The following CCPG1 variants were observed in gnomAD, a reference collection of about 807,000 sequenced individuals.
The protein encoded by CCPG1 is cell cycle progression 1.
A neutral mutation model predicts 81.3 loss-of-function variants in CCPG1; 46 were observed. The ratio of observed to expected loss-of-function variants is 0.57; its 90% CI spans 0.45 to 0.72. The LOEUF (loss-of-function observed/expected upper bound fraction) is 0.72, where lower values mean the gene tolerates loss of function less well. Ranked by LOEUF, CCPG1 falls within the 30% of genes least tolerant of loss-of-function variation. CCPG1 has a pLI of 0.00. For synonymous variants in CCPG1, 330 were observed against 305.2 expected (o/e 1.08, Z -0.85); for missense variants, 902 against 937.6 (o/e 0.96, Z 0.50).
chr15:55,392,164 T>C (rs1241477130), intron 1 of CCPG1, among the ~76,000 whole-genome samples: 2 of 146,600 alleles, frequency 1.4e-5, no homozygotes, highest in Non-Finnish European at 3.0e-5. Context: ...AAATAAAAAA[T>C]AAAAAAGACA....
At chr15:55,402,231 CTTTAT>C (rs937151653) in intron 1 of CCPG1, among the ~76,000 whole-genome samples, 4 of 152,122 alleles carry the variant, frequency 2.6e-5, no homozygotes, top group Admixed American at 6.6e-5. Flanking sequence ...TTTATTATAG[CTTTAT>C]TTTTAGAGAC....
intron 1 of CCPG1, among the ~76,000 whole-genome samples, chr15:55,395,771 T>C (rs7170993): frequency 0.46 from 69,457 of 151,966 alleles, 17,126 homozygotes; most frequent in East Asian, 0.74. Flanking sequence ...TCCCAACACA[T>C]ATTGAATGAA....
intron 1 of CCPG1, among the ~76,000 whole-genome samples, chr15:55,406,590 T>A (rs12900515): frequency 0.98 from 148,980 of 151,620 alleles, 73,240 homozygotes; most frequent in East Asian, 1. Flanking sequence ...AGTAGCTGGG[T>A]TTACAGGCTA....
At chr15:55,369,295 G>A (rs1193059330) in intron 6 of CCPG1, among the ~76,000 whole-genome samples, 2 of 152,120 alleles carry the variant, frequency 1.3e-5, no homozygotes, top group Middle Eastern at 6.8e-3. Flanking sequence ...CAGCACTTTG[G>A]GAGGCCGAGG....
At chr15:55,389,296 G>A (rs1407363288) in intron 2 of CCPG1, 69 bp downstream of exon 2, 1 of 1,102,416 alleles carries the variant, frequency 9.1e-7, no homozygotes, top group African/African-American at 1.6e-5. Context: ...GATCTTCAAA[G>A]AACACAGTTT....
chr15:55,382,511 C>CTTT (rs752529724), intron 3 of CCPG1, among the ~76,000 whole-genome samples: 29 of 139,914 alleles, frequency 2.1e-4, no homozygotes, highest in South Asian at 1.8e-3. Context: ...GGATCCACTT[C>CTTT]TTTTTTTTTT....
intron 6 of CCPG1, among the ~76,000 whole-genome samples, chr15:55,368,428 AAGTGTAC>A (rs1298841380): frequency 6.6e-6 from 1 of 152,188 alleles, no homozygotes; most frequent in East Asian, 1.9e-4. Flanking sequence ...ATAATTCAGT[AAGTGTAC>A]CCTTTGAGCT....
intron 3 of CCPG1, among the ~76,000 whole-genome samples, chr15:55,379,307 G>A (rs1250956995): frequency 6.6e-6 from 1 of 151,872 alleles, no homozygotes; most frequent in African/African-American, 2.4e-5. Context: ...AGGACTGCTT[G>A]ACGCTACAAG....
chr15:55,378,257 G>A, intron 4 of CCPG1, 43 bp downstream of exon 4: 30 of 1,136,704 alleles, frequency 2.6e-5, no homozygotes, highest in Non-Finnish European at 3.7e-5. Context: ...GTATTCTAAG[G>A]ATACTATTTA....
chr15:55,387,859 A>G (rs1249106198), intron 2 of CCPG1, among the ~76,000 whole-genome samples: 1 of 147,734 alleles, frequency 6.8e-6, no homozygotes, highest in African/African-American at 2.5e-5. Flanking sequence ...ATTTTTATTA[A>G]AAAAACAAGT....
At chr15:55,406,044 T>C (rs181106423) in intron 1 of CCPG1, among the ~76,000 whole-genome samples, 61 of 152,322 alleles carry the variant, frequency 4.0e-4, no homozygotes, top group African/African-American at 1.3e-3. Flanking sequence ...TTTGTATTTT[T>C]AGTAGAGACG....
Position 55,359,723 on chromosome 15 carries a change from A to C in CCPG1, c.2050T>G (p.Phe684Val). 1 of 1,613,630 alleles carries C rather than the reference A, an allele frequency of 6.2e-7. No individual in the cohort carries two copies. Among genetic ancestry groups the C allele is most frequent in the Non-Finnish European group, 8.5e-7 (1 of 1,179,910 alleles). ...WNELDQFINK[F>V]FLNGVFIHDQ... is the part of the protein sequence containing the mutation. The stretch of plus-strand genomic sequence containing the variant: ...TGTATAAAGACACCGTTTAGGAAAA[A>C]CTTATTGATGAACTGATCAAGTTCG... The change falls in exon 8 of 9, where the codon TTT (phenylalanine) becomes GTT (valine). Residue 684 changes from phenylalanine to valine, a missense_variant. Around this residue, in one of 3 missense-constraint regions of CCPG1, gnomAD observed 128 missense variants for 161.2 expected, o/e 0.79. Coordinates refer to ENST00000442196, the MANE Select transcript of CCPG1 (RefSeq NM_001204450.2).
intron 6 of CCPG1, among the ~76,000 whole-genome samples, chr15:55,367,023 GT>G (rs1186998836): frequency 6.6e-6 from 1 of 152,080 alleles, no homozygotes; most frequent in Non-Finnish European, 1.5e-5. Context: ...TATTTTAAAT[GT>G]CTTCAATACA....
chr15:55,362,327 G>GAA (rs372122496), intron 7 of CCPG1, among the ~76,000 whole-genome samples: 11 of 102,926 alleles, frequency 1.1e-4, no homozygotes, highest in African/African-American at 2.1e-4. Flanking sequence ...TCAGAAATAA[G>GAA]AAAAAAAAAA....
In CCPG1 at chr15:55,363,799, CTTTTTTTTTT is replaced by C. The variant is rs565044184; in HGVS notation, c.828+1379_828+1388del. Among the ~76,000 whole-genome samples the C allele has an allele frequency of 8.8e-4, 83 of 93,940 alleles. 4 individuals carry two copies. In the Admixed American group the frequency reaches 0.01, roughly 12 times the overall value. The allele number at this position is 93,940 out of a possible 152,430, so 61.6% of individuals were successfully genotyped here. On this transcript the variant is annotated intron_variant, in intron 7 of 8. Coordinates refer to ENST00000442196, the MANE Select transcript of CCPG1 (RefSeq NM_001204450.2). The stretch of plus-strand genomic sequence containing the variant: ...AATAGCTTACTTTTCTTTCCTTTTC[CTTTTTTTTTT>C]TTTTTTTTTTTTTTGAGACAGTCTT...
chr15:55,403,334 A>G (rs548889154), intron 1 of CCPG1, among the ~76,000 whole-genome samples: 2 of 152,238 alleles, frequency 1.3e-5, no homozygotes, highest in East Asian at 1.9e-4. Flanking sequence ...TTACATTTCA[A>G]CATGCTGGCA....
intron 1 of CCPG1, among the ~76,000 whole-genome samples, chr15:55,406,938 C>G (rs1161775086): frequency 1.3e-5 from 2 of 150,600 alleles, no homozygotes; most frequent in Admixed American, 6.6e-5. Context: ...AATTAACGCC[C>G]GCGCGGTGGG....
chr15:55,392,199 G>A (rs889911604), intron 1 of CCPG1, among the ~76,000 whole-genome samples: 47 of 142,932 alleles, frequency 3.3e-4, no homozygotes, highest in Non-Finnish European at 6.4e-4. Flanking sequence ...TAGTTTAAAA[G>A]ATCAGATTTG....
intron 6 of CCPG1, among the ~76,000 whole-genome samples, chr15:55,369,550 T>G (rs1351171837): frequency 1.3e-5 from 2 of 150,344 alleles, no homozygotes; most frequent in Admixed American, 6.6e-5. Flanking sequence ...AAAAAAAAAG[T>G]GATGTCTTTT....
Sources: gnomAD v4.1 joint callset for allele counts (sites outside exome capture counted in the v4.1 genomes callset) on GRCh38, gnomAD v4.1.1 for gene constraint, gnomAD v4.1.1 regional missense constraint, MANE v1.5 for transcripts, NCBI Gene and HGNC (gene_info 2026-07-23, HGNC 2026-07-21) for gene names.